REC114: variants seen among roughly 807,000 people sequenced by gnomAD.
REC114 encodes the protein REC114 meiotic recombination protein, also known as meiotic recombination protein REC114.
A neutral mutation model predicts 31.3 loss-of-function variants in REC114; 27 were observed. The observed-to-expected ratio is 0.86, with a 90% CI of 0.64 to 1.19. The LOEUF (loss-of-function observed/expected upper bound fraction) is 1.19. REC114 is among the 50% of genes most tolerant of loss of function. The pLI, the probability that REC114 is intolerant of heterozygous loss-of-function variation, is 0.00. For missense variants in REC114, 344 were observed against 326.9 expected, an observed-to-expected ratio of 1.05 and a Z score of -0.40; for synonymous variants, 134 against 127.7, an observed-to-expected ratio of 1.05 and a Z score of -0.33.
intron 1 of REC114, among the ~76,000 whole-genome samples, chr15:73,451,187 A>G (rs1892841885): frequency 6.6e-6 from 1 of 152,212 alleles, no homozygotes; most frequent in Admixed American, 6.5e-5. Context: ...AAAGTCAGTG[A>G]ATCTGGGAGC....
intron 2 of REC114, among the ~76,000 whole-genome samples, chr15:73,477,701 A>G (rs1329873425): frequency 1.3e-5 from 2 of 152,182 alleles, no homozygotes; most frequent in African/African-American, 2.4e-5. Flanking sequence ...TATAGGCATG[A>G]GTCACTGTGC....
intron 2 of REC114, among the ~76,000 whole-genome samples, chr15:73,492,373 A>G (rs1893458824): frequency 6.6e-6 from 1 of 152,166 alleles, no homozygotes; most frequent in Non-Finnish European, 1.5e-5. Flanking sequence ...TTGTGAATAT[A>G]TAACAATCTA....
intron 2 of REC114, among the ~76,000 whole-genome samples, chr15:73,511,749 C>T (rs1201113340): frequency 1.3e-4 from 19 of 147,482 alleles, no homozygotes; most frequent in Admixed American, 5.4e-4. Flanking sequence ...TGTAGTTGAG[C>T]GGCTTTGAGT....
intron 1 of REC114, among the ~76,000 whole-genome samples, chr15:73,452,774 C>T (rs560429099): frequency 3.0e-4 from 46 of 152,202 alleles, no homozygotes; most frequent in African/African-American, 9.9e-4. Context: ...GGTACTGGTA[C>T]CAAAACAGAT....
intron 2 of REC114, among the ~76,000 whole-genome samples, chr15:73,480,444 TGTAA>T (rs764777586): frequency 7.9e-5 from 12 of 152,190 alleles, no homozygotes; most frequent in African/African-American, 2.2e-4. Flanking sequence ...TATGTACATA[TGTAA>T]GTGTGATAAA....
intron 1 of REC114, among the ~76,000 whole-genome samples, chr15:73,464,240 C>A (rs1442184490): frequency 6.6e-6 from 1 of 151,956 alleles, no homozygotes; most frequent in African/African-American, 2.4e-5. Flanking sequence ...CCATCCAATT[C>A]TTCAATTAGC....
chr15:73,459,460 G>A (rs920283936), intron 1 of REC114, among the ~76,000 whole-genome samples: 15 of 151,980 alleles, frequency 9.9e-5, no homozygotes, highest in African/African-American at 3.4e-4. Flanking sequence ...TTGAGCTCCT[G>A]ACCTCAGATG....
chr15:73,468,840 A>G (rs1893096601), intron 1 of REC114, among the ~76,000 whole-genome samples: 1 of 152,000 alleles, frequency 6.6e-6, no homozygotes. Context: ...CTTTTTTAAT[A>G]TGTTAACATG....
chr15:73,556,344 G>A lies in REC114; in HGVS notation c.589G>A (p.Gly197Ser), dbSNP rs1294979117. ...ACAACAGCAAGTGTGTGTAACAGCG[G>A]GCACAGGCGCTCCAGACGGAAGGAC... is the stretch of plus-strand genomic sequence containing the variant. Reference protein sequence around the residue: ...SEQQQVCVTAGTGAPDGRTSL... With the variant: ...SEQQQVCVTASTGAPDGRTSL... Residue 197 changes from glycine to serine, a missense_variant, in exon 5 of 6, where the codon GGC (glycine) becomes AGC (serine). Physicochemically the swap from Gly to Ser is moderately conservative, Grantham distance 56. Transcript: ENST00000331090. 6.2e-7 allele frequency: 1 copy of A among 1,613,806 alleles called. No homozygotes were observed. Among genetic ancestry groups the A allele is most frequent in the Non-Finnish European group, 8.5e-7 (1 of 1,179,762 alleles).
In REC114 at chr15:73,540,561, C is replaced by T. The variant is rs540050346; in HGVS notation, c.326C>T (p.Thr109Met). The change falls in exon 3 of 6, where the codon ACG (threonine) becomes ATG (methionine). Residue 109 changes from threonine to methionine, a missense_variant. By Grantham distance (81) the Thr-to-Met change is moderately conservative. Coordinates refer to ENST00000331090, the MANE Select transcript of REC114 (RefSeq NM_001042367.2). ...RRVDCLLFGT[T>M]IKDKSRLFRV... ...GTGGATTGTCTGTTGTTTGGAACAACGATAAAGGCAAGATTTAAGCTAATG... is the reference window on the plus strand; with the variant it reads ...GTGGATTGTCTGTTGTTTGGAACAATGATAAAGGCAAGATTTAAGCTAATG... 1.5e-5 allele frequency: 24 copies of T among 1,611,836 alleles called. No individual in the cohort carries two copies. The Admixed American group carries it at 1.5e-4, about 10-fold the overall frequency.
intron 2 of REC114, among the ~76,000 whole-genome samples, chr15:73,493,219 C>T (rs1389849422): frequency 6.6e-6 from 1 of 151,950 alleles, no homozygotes; most frequent in Non-Finnish European, 1.5e-5. Context: ...GAGATCTCAC[C>T]GTATTGCCCA....
chr15:73,458,583 A>G (rs1438000926), intron 1 of REC114, among the ~76,000 whole-genome samples: 2 of 152,256 alleles, frequency 1.3e-5, no homozygotes, highest in Admixed American at 1.3e-4. Flanking sequence ...ATAAAAGTCC[A>G]CAGCTGGTGT....
chr15:73,464,542 A>C (rs1275041535), intron 1 of REC114, among the ~76,000 whole-genome samples: 1 of 151,994 alleles, frequency 6.6e-6, no homozygotes, highest in Non-Finnish European at 1.5e-5. Context: ...AAGAGTGGAC[A>C]CTTTAAGGTG....
At chr15:73,482,837 AATTTGGAT>A in intron 2 of REC114, among the ~76,000 whole-genome samples, 1 of 152,200 alleles carries the variant, frequency 6.6e-6, no homozygotes, top group East Asian at 1.9e-4. Context: ...GCTTTCAATT[AATTTGGAT>A]ATGTACTCAT....
intron 1 of REC114, among the ~76,000 whole-genome samples, chr15:73,452,374 C>G (rs1892862437): frequency 6.6e-6 from 1 of 152,280 alleles, no homozygotes; most frequent in South Asian, 2.1e-4. Flanking sequence ...TGAGTGAACT[C>G]CCATTCAGAA....
At chr15:73,555,384 G>A (rs895604777) in intron 4 of REC114, among the ~76,000 whole-genome samples, 4 of 152,172 alleles carry the variant, frequency 2.6e-5, no homozygotes, top group African/African-American at 9.7e-5. Context: ...AGGAACGGAG[G>A]TAGGGCCCTT....
chr15:73,543,450 C>T (rs569202804), intron 3 of REC114, among the ~76,000 whole-genome samples: 29 of 152,226 alleles, frequency 1.9e-4, no homozygotes, highest in Middle Eastern at 3.4e-3. Context: ...CTGCCTCAGC[C>T]TCCTGAGTAG....
intron 1 of REC114, among the ~76,000 whole-genome samples, chr15:73,473,237 A>G (rs1159637493): frequency 1.3e-5 from 2 of 152,096 alleles, no homozygotes; most frequent in Non-Finnish European, 2.9e-5. Context: ...AAAAATACAA[A>G]AATTAACCGG....
intron 1 of REC114, among the ~76,000 whole-genome samples, chr15:73,462,106 A>AT (rs1234583604): frequency 2.7e-5 from 4 of 150,380 alleles, no homozygotes; most frequent in Admixed American, 6.6e-5. Context: ...TAATTTTTGT[A>AT]TTTTTTGTAG....
Sources: allele counts gnomAD v4.1 joint callset (sites outside exome capture counted in the v4.1 genomes callset), GRCh38; gene constraint gnomAD v4.1.1; transcripts MANE v1.5; gene names NCBI Gene and HGNC (gene_info 2026-07-23, HGNC 2026-07-21).